Variants in AGTPBP1 observed in about 807,000 individuals in gnomAD.
AGTPBP1 encodes ATP/GTP binding carboxypeptidase 1.
A neutral mutation model predicts 143.9 loss-of-function variants in AGTPBP1; 70 were observed. The observed-to-expected ratio is 0.49, with a 90% CI of 0.40 to 0.59. The LOEUF is 0.59. AGTPBP1 is among the 20% of genes least tolerant of loss of function. The pLI, the probability that AGTPBP1 is intolerant of heterozygous loss-of-function variation, is 0.00. For missense variants in AGTPBP1, 1,229 were observed against 1,464.5 expected (o/e 0.84, Z 2.62); for synonymous variants, 463 against 500.2 (o/e 0.93, Z 0.99).
At chr9:85,705,912 G>A (rs775141449) in intron 2 of AGTPBP1, among the ~76,000 whole-genome samples, 1 of 151,776 alleles carries the variant, frequency 6.6e-6, no homozygotes, top group Non-Finnish European at 1.5e-5. Context: ...GGATGGTCTC[G>A]ATCTCCTGAC....
chr9:85,625,135 G>A (rs919802772), intron 14 of AGTPBP1, among the ~76,000 whole-genome samples: 3 of 152,230 alleles, frequency 2.0e-5, no homozygotes, highest in African/African-American at 7.2e-5. Context: ...ACAGACATGT[G>A]AGATTTGTGA....
At position 85,741,657 on chromosome 9, in the gene AGTPBP1, G is replaced by A. The variant is rs972795372; in HGVS notation, c.-34+118C>T. The A allele has an allele frequency of 4.7e-5, 59 of 1,251,676 alleles. No homozygotes were observed. The South Asian group carries it at 1.2e-3, about 25-fold the overall frequency. 77.5% of individuals were successfully genotyped at this position (1,251,676 alleles called of 1,614,324 possible). A position where few individuals can be genotyped will look rare whatever the true frequency, so the allele number is the denominator to read the frequency against. ...CGTTACACAACCCGTCAGGTAAGGG[G>A]CGCAGGGATCCGGGGTCGCCCCTCC... On this transcript the variant is annotated intron_variant, in intron 1 of 25. Transcript: ENST00000357081.
chr9:85,669,339 A>G, intron 8 of AGTPBP1, 146 bp downstream of exon 8: 1 of 456,766 alleles, frequency 2.2e-6, no homozygotes, highest in Non-Finnish European at 3.9e-6. Context: ...GAAAATCTTT[A>G]TCATGATAAA....
At chr9:85,801,966 T>C in the AGTPBP1 span, among the ~76,000 whole-genome samples, 2 of 152,154 alleles carry the variant, frequency 1.3e-5, no homozygotes, top group Admixed American at 1.3e-4. Context: ...GTATAATAGA[T>C]ATATATAACT....
At chr9:85,572,264 C>T (rs746386802) in intron 25 of AGTPBP1, among the ~76,000 whole-genome samples, 8 of 151,834 alleles carry the variant, frequency 5.3e-5, no homozygotes, top group Non-Finnish European at 1.2e-4. Context: ...CTGGCCTGAC[C>T]TCAAGTGATC....
At chr9:85,548,064 C>A (rs919603376) in intron 25 of AGTPBP1, among the ~76,000 whole-genome samples, 13 of 152,160 alleles carry the variant, frequency 8.5e-5, no homozygotes, top group African/African-American at 3.1e-4. Flanking sequence ...ATTTTAGAAT[C>A]TCTAAGGTAG....
At chr9:85,672,224 A>G (rs568049739) in intron 7 of AGTPBP1, among the ~76,000 whole-genome samples, 2 of 152,142 alleles carry the variant, frequency 1.3e-5, no homozygotes, top group South Asian at 4.2e-4. Context: ...GCCCACCACC[A>G]TGCCCAGCTA....
chr9:85,622,201 A>G (rs1272134815), intron 14 of AGTPBP1, among the ~76,000 whole-genome samples: 1 of 152,224 alleles, frequency 6.6e-6, no homozygotes, highest in Non-Finnish European at 1.5e-5. Context: ...TCAGCTAAAG[A>G]TAAGTAATGC....
In AGTPBP1 at chr9:85,618,979, T is replaced by C; in HGVS notation, c.2335+4A>G. On this transcript the variant is annotated splice_donor_region_variant and intron_variant, in intron 17 of 25. Coordinates refer to ENST00000357081, the MANE Select transcript of AGTPBP1 (RefSeq NM_001330701.2). The stretch of plus-strand genomic sequence containing the variant: ...ATTTCAATTGGGAAAGAAAACTGTC[T>C]TACCATAATTAAACTGACTGTTGGA... 6.2e-7 allele frequency: 1 copy of C among 1,609,060 alleles called. No individual in the cohort carries two copies. The highest frequency in any genetic ancestry group is 8.5e-7 in the Non-Finnish European group (1 of 1,178,402).
chr9:85,614,626 G>C (rs1427001274), intron 17 of AGTPBP1, among the ~76,000 whole-genome samples: 2 of 151,968 alleles, frequency 1.3e-5, no homozygotes, highest in African/African-American at 2.4e-5. Flanking sequence ...AAACTATTCA[G>C]AAAAAATAGG....
intron 2 of AGTPBP1, among the ~76,000 whole-genome samples, chr9:85,711,746 T>C (rs920571233): frequency 6.6e-6 from 1 of 152,048 alleles, no homozygotes; most frequent in Non-Finnish European, 1.5e-5. Flanking sequence ...AGCCTAAACT[T>C]TTTCTGTAAA....
chr9:85,629,103 T>C (rs1380814667), intron 14 of AGTPBP1, among the ~76,000 whole-genome samples: 1 of 152,220 alleles, frequency 6.6e-6, no homozygotes, highest in Non-Finnish European at 1.5e-5. Flanking sequence ...CCAACATATC[T>C]ATGTTTAAAA....
the AGTPBP1 span, among the ~76,000 whole-genome samples, chr9:85,784,670 A>G: frequency 6.6e-6 from 1 of 152,180 alleles, no homozygotes; most frequent in Non-Finnish European, 1.5e-5. Flanking sequence ...TCCATGTACG[A>G]GGATCTAGAT....
chr9:85,784,628 G>A, the AGTPBP1 span, among the ~76,000 whole-genome samples: 8,248 of 152,248 alleles, frequency 0.054, 727 homozygotes, highest in African/African-American at 0.18. Flanking sequence ...CAGAGTTTGG[G>A]AGCCACTGTC....
intron 25 of AGTPBP1, among the ~76,000 whole-genome samples, chr9:85,558,684 T>C: frequency 6.6e-6 from 1 of 152,192 alleles, no homozygotes; most frequent in East Asian, 1.9e-4. Context: ...AACGACATGA[T>C]CTCGGCTCAC....
chr9:85,709,058 C>G (rs1837199603), intron 2 of AGTPBP1, among the ~76,000 whole-genome samples: 1 of 152,020 alleles, frequency 6.6e-6, no homozygotes. Flanking sequence ...AACATAGATG[C>G]AGAAGTTCTA....
chr9:85,786,224 C>T, the AGTPBP1 span: 1 of 1,599,744 alleles, frequency 6.3e-7, no homozygotes, highest in Non-Finnish European at 8.6e-7. Context: ...GACAGTTCAG[C>T]AAGCAGCTTA....
the AGTPBP1 span, among the ~76,000 whole-genome samples, chr9:85,804,542 C>A: frequency 6.6e-6 from 1 of 152,216 alleles, no homozygotes; most frequent in African/African-American, 2.4e-5. Flanking sequence ...GCAAAGGTAT[C>A]TTCAACTCCC....
chr9:85,746,345 C>T (rs1824579939), upstream of AGTPBP1, among the ~76,000 whole-genome samples: 1 of 152,124 alleles, frequency 6.6e-6, no homozygotes, highest in Non-Finnish European at 1.5e-5. Context: ...GTCCTAAATT[C>T]TTTCTTGGCA....
Sources: allele counts gnomAD v4.1 joint callset (sites outside exome capture counted in the v4.1 genomes callset), GRCh38; gene constraint gnomAD v4.1.1; transcripts MANE v1.5; gene names NCBI Gene and HGNC (gene_info 2026-07-23, HGNC 2026-07-21).